The following PBX3 variants were observed in gnomAD, a reference collection of about 807,000 sequenced individuals.
The protein encoded by PBX3 is PBX homeobox 3.
Under a neutral mutation model 48.5 loss-of-function variants are expected in PBX3, and 14 were observed. The ratio of observed to expected loss-of-function variants is 0.29; its 90% confidence interval spans 0.19 to 0.45. The LOEUF is 0.45. Among genes scored for constraint, PBX3 ranks in the 20% least tolerant of loss-of-function variants. The probability of loss-of-function intolerance (pLI) is 1.00; values close to 1 mark genes in which losing one functional copy is unlikely to be tolerated. For missense variants in PBX3, 386 were observed against 546.7 expected (o/e 0.71, Z 2.93); for synonymous variants, 210 against 200.3 (o/e 1.05, Z -0.41).
At chr9:125,928,553 T>C (rs1038058638) in intron 3 of PBX3, among the ~76,000 whole-genome samples, 3 of 151,142 alleles carry the variant, frequency 2.0e-5, no homozygotes, top group Non-Finnish European at 4.4e-5. Flanking sequence ...GCAAGCTCCA[T>C]CGCCTGGGTT....
At chr9:125,858,363 T>C (rs1321558065) in intron 2 of PBX3, among the ~76,000 whole-genome samples, 1 of 152,232 alleles carries the variant, frequency 6.6e-6, no homozygotes. Context: ...AAAGCTTATT[T>C]CCCATTTATT....
chr9:125,895,063 G>T (rs1375823434), intron 2 of PBX3, among the ~76,000 whole-genome samples: 2 of 151,948 alleles, frequency 1.3e-5, no homozygotes. Context: ...CACTGGGTTG[G>T]GATTCATCAT....
intron 2 of PBX3, among the ~76,000 whole-genome samples, chr9:125,787,074 C>T (rs545134640): frequency 2.0e-5 from 3 of 151,998 alleles, no homozygotes; most frequent in Non-Finnish European, 4.4e-5. Flanking sequence ...GGGTCTTGCT[C>T]TGTCACCCAG....
rs534704206 is a variant in PBX3 at position 125,767,309 on chromosome 9, A to G, written c.274+18686A>G. The stretch of plus-strand genomic sequence containing the variant: ...TCATTAAACCAATGGCATTAAACCA[A>G]CTGCCAAGTATTTTGCTTCATGAAA... On this transcript the variant is annotated intron_variant, in intron 2 of 8. Transcript: ENST00000373489. Among the ~76,000 whole-genome samples the G allele has an allele frequency of 2.0e-5, 3 of 152,342 alleles. No homozygotes were observed. In the South Asian group the frequency reaches 6.2e-4, roughly 32 times the overall value.
intron 2 of PBX3, among the ~76,000 whole-genome samples, chr9:125,834,276 T>C (rs546126516): frequency 6.6e-6 from 1 of 152,110 alleles, no homozygotes; most frequent in Non-Finnish European, 1.5e-5. Flanking sequence ...GACAGAGAAG[T>C]ATAGCTGAGG....
chr9:125,913,161 A>G (rs752014924), intron 2 of PBX3, among the ~76,000 whole-genome samples: 7 of 152,038 alleles, frequency 4.6e-5, no homozygotes, highest in Admixed American at 3.9e-4. Context: ...CTTGTTGCCT[A>G]TTTGCAAAGT....
intron 2 of PBX3, among the ~76,000 whole-genome samples, chr9:125,764,282 G>C (rs1167910813): frequency 6.6e-6 from 1 of 152,180 alleles, no homozygotes; most frequent in Non-Finnish European, 1.5e-5. Flanking sequence ...TATCCTACAA[G>C]AAAGCCTGAA....
At chr9:125,926,790 A>T (rs1259030369) in intron 3 of PBX3, among the ~76,000 whole-genome samples, 1 of 152,238 alleles carries the variant, frequency 6.6e-6, no homozygotes, top group Non-Finnish European at 1.5e-5. Flanking sequence ...ATTGCACCAC[A>T]GCCTGGGTAA....
rs536694657 is a variant in PBX3 at position 125,814,801 on chromosome 9, C to T, written c.274+66178C>T. On this transcript the variant is annotated intron_variant, in intron 2 of 8. Transcript: ENST00000373489. The stretch of plus-strand genomic sequence containing the variant: ...TTATGAAGAGTGTTTTAAATTAAAA[C>T]CTATCAGATCACTCTCCCTCCTTTG... Among the ~76,000 whole-genome samples, 34 of 152,204 alleles carry T rather than the reference C, an allele frequency of 2.2e-4. No homozygotes were observed. In the South Asian group the frequency reaches 7.1e-3, roughly 32 times the overall value.
chr9:125,926,929 A>G (rs1416745942), intron 3 of PBX3, among the ~76,000 whole-genome samples: 1 of 152,222 alleles, frequency 6.6e-6, no homozygotes, highest in African/African-American at 2.4e-5. Context: ...TTAGTCTACA[A>G]CATTGCTTAA....
At chr9:125,887,549 G>C (rs1234557895) in intron 2 of PBX3, among the ~76,000 whole-genome samples, 1 of 152,128 alleles carries the variant, frequency 6.6e-6, no homozygotes, top group African/African-American at 2.4e-5. Flanking sequence ...GCACAATTCT[G>C]CCTTTGCACA....
At chr9:125,931,037 A>T (rs980813281) in intron 4 of PBX3, among the ~76,000 whole-genome samples, 4 of 152,206 alleles carry the variant, frequency 2.6e-5, no homozygotes, top group African/African-American at 9.6e-5. Context: ...AAATATATGG[A>T]ATAAAAGGAT....
intron 2 of PBX3, among the ~76,000 whole-genome samples, chr9:125,897,096 G>A (rs1247482148): frequency 6.8e-6 from 1 of 148,086 alleles, no homozygotes; most frequent in African/African-American, 2.5e-5. Context: ...CTTAAATACA[G>A]TGTCTTGTCA....
At chr9:125,953,454 G>A (rs1457633314) in intron 5 of PBX3, among the ~76,000 whole-genome samples, 1 of 146,254 alleles carries the variant, frequency 6.8e-6, no homozygotes, top group African/African-American at 2.5e-5. Context: ...TTCAGCCTGC[G>A]CAACAGAGCG....
intron 2 of PBX3, among the ~76,000 whole-genome samples, chr9:125,791,260 T>A (rs142383523): frequency 1.4e-3 from 206 of 152,208 alleles, no homozygotes; most frequent in African/African-American, 4.7e-3. Context: ...TAGCTAATAA[T>A]TGTAGTACAC....
intron 5 of PBX3, among the ~76,000 whole-genome samples, chr9:125,959,347 T>C (rs1356100232): frequency 6.6e-6 from 1 of 152,252 alleles, no homozygotes; most frequent in Non-Finnish European, 1.5e-5. Flanking sequence ...CCTATGCTCA[T>C]GGTTGCTGCA....
chr9:125,796,246 A>G (rs1449392806), intron 2 of PBX3, among the ~76,000 whole-genome samples: 1 of 152,208 alleles, frequency 6.6e-6, no homozygotes, highest in Non-Finnish European at 1.5e-5. Context: ...TTTTAGCTTT[A>G]CTGATGATTT....
intron 5 of PBX3, among the ~76,000 whole-genome samples, chr9:125,946,076 T>C (rs1797007043): frequency 6.6e-6 from 1 of 152,202 alleles, no homozygotes; most frequent in Non-Finnish European, 1.5e-5. Flanking sequence ...GGATGCTTCC[T>C]CTTTCCCTTT....
intron 2 of PBX3, among the ~76,000 whole-genome samples, chr9:125,787,238 G>A (rs1453713957): frequency 2.0e-5 from 3 of 151,890 alleles, no homozygotes; most frequent in South Asian, 2.1e-4. Flanking sequence ...ATGGGGTCTC[G>A]CTGTGTTGCC....
Sources: gnomAD v4.1 joint callset for allele counts (sites outside exome capture counted in the v4.1 genomes callset) on GRCh38, gnomAD v4.1.1 for gene constraint, MANE v1.5 for transcripts, NCBI Gene and HGNC (gene_info 2026-07-23, HGNC 2026-07-21) for gene names.